Variants in FLT1 observed in about 807,000 individuals in gnomAD.
The protein encoded by FLT1 is fms related receptor tyrosine kinase 1.
FLT1 carries 49 observed loss-of-function variants against 156.3 expected under a neutral mutation model. That is an observed-to-expected ratio of 0.31 (90% confidence interval 0.25 to 0.40). FLT1 has a LOEUF of 0.40. Ranked by LOEUF, FLT1 falls within the 10% of genes least tolerant of loss-of-function variation. The pLI, the probability that FLT1 is intolerant of heterozygous loss-of-function variation, is 1.00. For missense variants in FLT1, 1,322 were observed against 1,637.2 expected, an observed-to-expected ratio of 0.81 and a Z score of 3.32; for synonymous variants, 594 against 583.8, an observed-to-expected ratio of 1.02 and a Z score of -0.25.
intron 3 of FLT1, among the ~76,000 whole-genome samples, chr13:28,444,973 A>G (rs556517625): frequency 7.2e-5 from 11 of 152,330 alleles, no homozygotes; most frequent in Admixed American, 7.2e-4. Flanking sequence ...ACATTGAGTA[A>G]AGAACAGAAA....
At chr13:28,374,412 C>T (rs1332265242) in intron 14 of FLT1, among the ~76,000 whole-genome samples, 1 of 151,874 alleles carries the variant, frequency 6.6e-6, no homozygotes, top group East Asian at 1.9e-4. Context: ...AAGACCATGT[C>T]TCAAAAAACA....
At chr13:28,387,051 A>T (rs1345445629) in intron 13 of FLT1, 1 of 1,037,366 alleles carries the variant, frequency 9.6e-7, no homozygotes, top group African/African-American at 1.7e-5. Flanking sequence ...ACTCCCTGAC[A>T]GGTGGATTGG....
chr13:28,402,903 C>A (rs1875542740), intron 11 of FLT1, among the ~76,000 whole-genome samples: 3 of 152,118 alleles, frequency 2.0e-5, no homozygotes, highest in Non-Finnish European at 4.4e-5. Context: ...GATTCTTGTG[C>A]CTCAGCCTTC....
chr13:28,339,820 GT>G (rs1872263690), intron 16 of FLT1, among the ~76,000 whole-genome samples: 1 of 152,200 alleles, frequency 6.6e-6, no homozygotes, highest in African/African-American at 2.4e-5. Flanking sequence ...TTCTTATGAA[GT>G]GTTTAAACTT....
Position 28,302,813 on chromosome 13 carries a change from G to C in FLT1, c.*354C>G, listed in dbSNP as rs572028362. ...TTTTGGGCTGCAGGGCTGGCCCAGT[G>C]GGGTACGTGATGCATTGGGTGATCA... On this transcript the variant is annotated 3_prime_UTR_variant, in exon 30 of 30. Coordinates refer to ENST00000282397, the MANE Select transcript of FLT1 (RefSeq NM_002019.4). 50 of 260,834 alleles carry C rather than the reference G, an allele frequency of 1.9e-4. 1 individual carries two copies. In the South Asian group the frequency reaches 3.3e-3, roughly 17 times the overall value. 16.2% of individuals were successfully genotyped at this position (260,834 alleles called of 1,614,324 possible). A position where few individuals can be genotyped will look rare whatever the true frequency, so the allele number is the denominator to read the frequency against.
rs1327716763 is a variant in FLT1, at chr13:28,302,195, A to G, written c.*972T>C. 1 of 233,190 alleles carries G rather than the reference A, an allele frequency of 4.3e-6. No individual in the cohort carries two copies. Among genetic ancestry groups the G allele is most frequent in the African/African-American group, 2.2e-5 (1 of 45,358 alleles). The allele number at this position is 233,190 out of a possible 1,614,324, so 14.4% of individuals were successfully genotyped here. ...AGCTTTCTTTCACAACTAACTGTGC[A>G]AAACAGAATAATACCAAGAAATTGA... On this transcript the variant is annotated 3_prime_UTR_variant, in exon 30 of 30. Transcript: ENST00000282397.
intron 1 of FLT1, among the ~76,000 whole-genome samples, chr13:28,492,893 A>G (rs1193366640): frequency 1.3e-5 from 2 of 152,204 alleles, no homozygotes; most frequent in African/African-American, 2.4e-5. Context: ...ACTGTTAGGT[A>G]AAGAGGTTCT....
At chr13:28,368,946 C>G (rs1873429519) in intron 14 of FLT1, among the ~76,000 whole-genome samples, 1 of 151,900 alleles carries the variant, frequency 6.6e-6, no homozygotes, top group South Asian at 2.1e-4. Flanking sequence ...CTCAGGTGAT[C>G]CACCAGCCTC....
At chr13:28,488,125 C>T (rs950814340) in intron 1 of FLT1, among the ~76,000 whole-genome samples, 17 of 152,048 alleles carry the variant, frequency 1.1e-4, no homozygotes, top group Admixed American at 7.9e-4. Flanking sequence ...GGACCAGGCG[C>T]GGTGGCTTAC....
chr13:28,422,620 A>G (rs1169623005), intron 10 of FLT1, among the ~76,000 whole-genome samples: 1 of 152,202 alleles, frequency 6.6e-6, no homozygotes, highest in Admixed American at 6.5e-5. Context: ...CCCATGGAGG[A>G]GGTGATCAGA....
In FLT1 at chr13:28,301,204, GTCT is replaced by G. The variant is rs763437641; in HGVS notation, c.*1960_*1962del. On this transcript the variant is annotated 3_prime_UTR_variant, in exon 30 of 30. Transcript: ENST00000282397. ...AAAAAAAAGTAGAGAATTGACTGAG[GTCT>G]TCTTTTTTCTGTGTTTAACCTCCTT... The G allele has an allele frequency of 2.1e-5, 5 of 232,598 alleles. No homozygotes were observed. The highest frequency in any genetic ancestry group is 4.2e-5 in the Non-Finnish European group (5 of 117,856). The allele number at this position is 232,598 out of a possible 1,614,324, so 14.4% of individuals were successfully genotyped here.
chr13:28,358,805 A>G (rs1299062338), intron 14 of FLT1, among the ~76,000 whole-genome samples: 1 of 152,248 alleles, frequency 6.6e-6, no homozygotes, highest in African/African-American at 2.4e-5. Context: ...ATGAGTGAAT[A>G]CAGCACAGTA....
intron 14 of FLT1, among the ~76,000 whole-genome samples, chr13:28,366,964 T>C (rs184481149): frequency 6.7e-4 from 102 of 152,330 alleles, no homozygotes; most frequent in African/African-American, 2.3e-3. Context: ...TGCAGGCCGA[T>C]AGACAGCTGA....
At chr13:28,405,062 T>G (rs1050281688) in intron 11 of FLT1, among the ~76,000 whole-genome samples, 1 of 151,508 alleles carries the variant, frequency 6.6e-6, no homozygotes, top group Non-Finnish European at 1.5e-5. Context: ...ACTATCCCTG[T>G]GCCAGACAAT....
chr13:28,434,141 G>A lies in FLT1; in HGVS notation c.593C>T (p.Thr198Met), dbSNP rs201044311. 18 of 1,613,988 alleles carry A rather than the reference G, an allele frequency of 1.1e-5. No individual in the cohort carries two copies. Among genetic ancestry groups the A allele is most frequent in the African/African-American group, 2.7e-5 (2 of 75,018 alleles). ...GGTCAGAAGCCCTATTTCTTTGTAC[G>A]TTGCATTTGATATGATGAAGCCCTT... ...SRKGFIISNA[T>M]YKEIGLLTCE... Residue 198 changes from threonine to methionine, a missense_variant, in exon 5 of 30, where the codon ACG becomes ATG. This residue lies in a region of FLT1 where 991 missense variants were observed against 1,254.8 expected (regional missense o/e 0.79). Transcript: ENST00000282397.
rs1870867191 is a variant in FLT1, at chr13:28,308,936, G to A, written c.3636-9C>T. 6.6e-7 allele frequency: 1 copy of A among 1,524,386 alleles called. No individual in the cohort carries two copies. The highest frequency in any genetic ancestry group is 9.1e-7 in the Non-Finnish European group (1 of 1,097,818). The allele number at this position is 1,524,386 out of a possible 1,614,324, so 94.4% of individuals were successfully genotyped here. On this transcript the variant is annotated splice_polypyrimidine_tract_variant and intron_variant, in intron 27 of 29. Coordinates refer to ENST00000282397, the MANE Select transcript of FLT1 (RefSeq NM_002019.4). Reference sequence around the variant, plus strand: ...TGAAAGCATTTACGTATCTAATGAAGAAACAGAAAGAATTATCAAGACAGG... The same window carrying A: ...TGAAAGCATTTACGTATCTAATGAAAAAACAGAAAGAATTATCAAGACAGG...
At chr13:28,330,173 G>A (rs1377662251) in intron 18 of FLT1, among the ~76,000 whole-genome samples, 1 of 152,186 alleles carries the variant, frequency 6.6e-6, no homozygotes, top group Non-Finnish European at 1.5e-5. Context: ...GGGCAGAATG[G>A]CTACTGTTGT....
chr13:28,427,072 C>A (rs1390208602), intron 10 of FLT1, 87 bp downstream of exon 10: 2 of 1,235,092 alleles, frequency 1.6e-6, no homozygotes, highest in Non-Finnish European at 2.4e-6. Context: ...ATCCCACATG[C>A]AGATTCCCAT....
chr13:28,360,458 T>C (rs893994632), intron 14 of FLT1, among the ~76,000 whole-genome samples: 3 of 152,232 alleles, frequency 2.0e-5, no homozygotes, highest in African/African-American at 4.8e-5. Context: ...AATGGATGAA[T>C]AGATTTTTAA....
Sources: gnomAD v4.1 joint callset for allele counts (sites outside exome capture counted in the v4.1 genomes callset) on GRCh38, gnomAD v4.1.1 for gene constraint, gnomAD v4.1.1 regional missense constraint, MANE v1.5 for transcripts, NCBI Gene and HGNC (gene_info 2026-07-23, HGNC 2026-07-21) for gene names.